TMCC1: variants seen among roughly 807,000 people sequenced by gnomAD.
The protein encoded by TMCC1 is transmembrane and coiled-coil domain family 1.
TMCC1 carries 15 observed loss-of-function variants against 52.4 expected under a neutral mutation model. The ratio of observed to expected loss-of-function variants is 0.29; its 90% confidence interval spans 0.19 to 0.44. TMCC1 has a LOEUF of 0.44. TMCC1 is among the 20% of genes least tolerant of loss of function. TMCC1 has a pLI of 1.00. For synonymous variants in TMCC1, 279 were observed against 301.9 expected, an observed-to-expected ratio of 0.92 and a Z score of 0.79; for missense variants, 503 against 806.0, an observed-to-expected ratio of 0.62 and a Z score of 4.55.
chr3:129,802,952 C>G (rs2057277285), intron 4 of TMCC1, among the ~76,000 whole-genome samples: 1 of 152,116 alleles, frequency 6.6e-6, no homozygotes, highest in Non-Finnish European at 1.5e-5. Context: ...TTGGGAAATC[C>G]AAGGTTGATG....
At chr3:129,735,492 AG>A (rs1338257867) in intron 4 of TMCC1, among the ~76,000 whole-genome samples, 1 of 151,888 alleles carries the variant, frequency 6.6e-6, no homozygotes, top group Non-Finnish European at 1.5e-5. Context: ...AAAAGGAAAA[AG>A]AAAAAAATAG....
intron 4 of TMCC1, among the ~76,000 whole-genome samples, chr3:129,808,448 C>G (rs1357281910): frequency 2.6e-5 from 4 of 151,742 alleles, no homozygotes; most frequent in Non-Finnish European, 5.9e-5. Context: ...CACCACTGAA[C>G]TCCAGCCTGT....
intron 4 of TMCC1, among the ~76,000 whole-genome samples, chr3:129,777,913 TTGCATGC>T (rs1254071359): frequency 2.0e-5 from 3 of 152,212 alleles, no homozygotes; most frequent in South Asian, 4.1e-4. Flanking sequence ...AACCCTTATC[TTGCATGC>T]CATGCAATCC....
intron 4 of TMCC1, among the ~76,000 whole-genome samples, chr3:129,757,037 G>A (rs2053075793): frequency 6.6e-6 from 1 of 152,304 alleles, no homozygotes; most frequent in Admixed American, 6.5e-5. Flanking sequence ...CTTGCTGTGT[G>A]GCTGTTTGCC....
At chr3:129,801,073 G>A (rs1050166917) in intron 4 of TMCC1, among the ~76,000 whole-genome samples, 4 of 151,728 alleles carry the variant, frequency 2.6e-5, no homozygotes, top group East Asian at 2.0e-4. Flanking sequence ...ACAGGCGCCC[G>A]CCACCACGCC....
chr3:129,738,103 T>G (rs547200909), intron 4 of TMCC1, among the ~76,000 whole-genome samples: 21 of 151,738 alleles, frequency 1.4e-4, no homozygotes, highest in African/African-American at 5.1e-4. Flanking sequence ...AAACCCCATC[T>G]CTACTAAAAA....
At chr3:129,876,495 T>C (rs1024445965) in intron 2 of TMCC1, among the ~76,000 whole-genome samples, 5 of 151,838 alleles carry the variant, frequency 3.3e-5, no homozygotes, top group African/African-American at 1.2e-4. Flanking sequence ...CCTGAAGACA[T>C]GAATCAAAAA....
At chr3:129,870,912 A>G (rs1309280740) in intron 2 of TMCC1, among the ~76,000 whole-genome samples, 1 of 152,100 alleles carries the variant, frequency 6.6e-6, no homozygotes, top group African/African-American at 2.4e-5. Context: ...CCAAGAACAA[A>G]GGGACTATTA....
rs1404221346 is a variant in TMCC1, at chr3:129,647,898, A to C, written c.*3583T>G. 1 of 152,684 alleles carries C rather than the reference A, an allele frequency of 6.5e-6. No individual in the cohort carries two copies. The highest frequency in any genetic ancestry group is 2.4e-5 in the African/African-American group (1 of 41,474). The allele number at this position is 152,684 out of a possible 1,614,324, so 9.5% of individuals were successfully genotyped here. ...ATTTAAATCTCTCTCAACAATTAGC[A>C]GCTTAAGATCTATCAACTACAGTGT... On this transcript the variant is annotated 3_prime_UTR_variant, in exon 7 of 7. Coordinates refer to ENST00000393238, the MANE Select transcript of TMCC1 (RefSeq NM_001017395.5).
chr3:129,683,372 C>T (rs2089165708), intron 4 of TMCC1, among the ~76,000 whole-genome samples: 1 of 152,144 alleles, frequency 6.6e-6, no homozygotes, highest in South Asian at 2.1e-4. Context: ...ACCGTATTAT[C>T]TTATTAATCC....
chr3:129,754,621 T>C (rs1332912199), intron 4 of TMCC1, among the ~76,000 whole-genome samples: 2 of 152,230 alleles, frequency 1.3e-5, no homozygotes, highest in Non-Finnish European at 2.9e-5. Flanking sequence ...GAAAAGATAG[T>C]CTTTTAAGCA....
chr3:129,819,099 T>C (rs1169265284), intron 4 of TMCC1: 1 of 152,356 alleles, frequency 6.6e-6, no homozygotes, highest in African/African-American at 2.4e-5. Context: ...TTTTTTTCTT[T>C]TGAGACGGAG....
chr3:129,785,759 T>C (rs1427327865), intron 4 of TMCC1, among the ~76,000 whole-genome samples: 2 of 152,090 alleles, frequency 1.3e-5, no homozygotes, highest in Admixed American at 6.6e-5. Context: ...TTAGGCAACT[T>C]ACATATATTA....
chr3:129,698,730 G>A (rs1292373905), intron 4 of TMCC1, among the ~76,000 whole-genome samples: 1 of 151,970 alleles, frequency 6.6e-6, no homozygotes, highest in Non-Finnish European at 1.5e-5. Flanking sequence ...TTTTCTTAAG[G>A]CCTGTACAAA....
chr3:129,783,418 G>C (rs1164296760), intron 4 of TMCC1, among the ~76,000 whole-genome samples: 1 of 152,118 alleles, frequency 6.6e-6, no homozygotes, highest in African/African-American at 2.4e-5. Flanking sequence ...CCAATAGTCA[G>C]TACAGCTCTA....
At chr3:129,729,677 A>G (rs1436694787) in intron 4 of TMCC1, among the ~76,000 whole-genome samples, 1 of 152,184 alleles carries the variant, frequency 6.6e-6, no homozygotes, top group East Asian at 1.9e-4. Flanking sequence ...TAATAAAATG[A>G]AAATATTGCA....
intron 4 of TMCC1, among the ~76,000 whole-genome samples, chr3:129,672,731 C>T (rs2088061595): frequency 6.6e-6 from 1 of 152,056 alleles, no homozygotes; most frequent in African/African-American, 2.4e-5. Context: ...TTCTTGGTTC[C>T]CATCTTAATC....
intron 4 of TMCC1, among the ~76,000 whole-genome samples, chr3:129,722,465 G>T (rs2049699382): frequency 6.6e-6 from 1 of 151,642 alleles, no homozygotes; most frequent in Non-Finnish European, 1.5e-5. Context: ...GTGCCAAAAA[G>T]GTTGGGGACT....
At chr3:129,721,863 G>A (rs913886053) in intron 4 of TMCC1, among the ~76,000 whole-genome samples, 5 of 138,020 alleles carry the variant, frequency 3.6e-5, no homozygotes, top group East Asian at 2.2e-4. Flanking sequence ...GCGACAGAGC[G>A]AGACTCCGTC....
Sources: gnomAD v4.1 joint callset for allele counts (sites outside exome capture counted in the v4.1 genomes callset) on GRCh38, gnomAD v4.1.1 for gene constraint, MANE v1.5 for transcripts, NCBI Gene and HGNC (gene_info 2026-07-23, HGNC 2026-07-21) for gene names.